Variants in DCAF8L2 observed in about 807,000 individuals in gnomAD.
The protein encoded by DCAF8L2 is DDB1 and CUL4 associated factor 8 like 2, also known as DDB1- and CUL4-associated factor 8-like protein 2.
For missense variants in DCAF8L2, 430 were observed against 490.7 expected, an observed-to-expected ratio of 0.88 and a Z score of 1.17; for synonymous variants, 200 against 190.9, an observed-to-expected ratio of 1.05 and a Z score of -0.39.
At chrX:27,621,686 C>A (rs1338321122) in intron 1 of DCAF8L2, among the ~76,000 whole-genome samples, 1 of 111,564 alleles carries the variant, frequency 9.0e-6, no homozygotes, top group Non-Finnish European at 1.9e-5. Flanking sequence ...AGGATGTGTG[C>A]AATAGGAGTT....
intron 3 of DCAF8L2, among the ~76,000 whole-genome samples, chrX:27,711,509 CTA>C (rs778930107): frequency 2.8e-5 from 3 of 108,115 alleles, no homozygotes; most frequent in Non-Finnish European, 3.8e-5. Flanking sequence ...ACAAAAGTAA[CTA>C]TGTGAGATGA....
chrX:27,514,183 T>G, the DCAF8L2 span, among the ~76,000 whole-genome samples: 24 of 95,113 alleles, frequency 2.5e-4, no homozygotes, highest in Non-Finnish European at 3.7e-4. Context: ...TACATGTATG[T>G]ACCCGTGCAC....
chrX:27,648,033 G>T (rs1929007479), intron 2 of DCAF8L2, among the ~76,000 whole-genome samples: 1 of 111,186 alleles, frequency 9.0e-6, no homozygotes, highest in African/African-American at 3.3e-5. Flanking sequence ...CTAGAAGAAG[G>T]TAATGGCAAA....
intron 3 of DCAF8L2, among the ~76,000 whole-genome samples, chrX:27,695,873 A>G: frequency 9.0e-6 from 1 of 110,951 alleles, no homozygotes; most frequent in East Asian, 2.8e-4. Context: ...TTATACTTCA[A>G]TATAAGTAGG....
the DCAF8L2 span, among the ~76,000 whole-genome samples, chrX:27,566,901 A>G: frequency 1.8e-5 from 2 of 109,915 alleles, no homozygotes; most frequent in Admixed American, 1.9e-4. Context: ...GCTGAATCCC[A>G]TGGGTTTTGG....
intron 4 of DCAF8L2, among the ~76,000 whole-genome samples, chrX:27,737,259 C>T (rs775014262): frequency 1.8e-5 from 2 of 111,627 alleles, no homozygotes; most frequent in South Asian, 7.4e-4. Context: ...CATTAAAACA[C>T]GCCAAGTTGT....
At chrX:27,498,165 T>A in the DCAF8L2 span, among the ~76,000 whole-genome samples, 1 of 112,514 alleles carries the variant, frequency 8.9e-6, no homozygotes, top group Admixed American at 9.4e-5. Context: ...TTTCAAGACC[T>A]TGCTCAATTC....
intron 2 of DCAF8L2, among the ~76,000 whole-genome samples, chrX:27,659,516 G>A (rs1929477194): frequency 9.0e-6 from 1 of 111,474 alleles, no homozygotes; most frequent in African/African-American, 3.3e-5. Flanking sequence ...AGGGAAACTC[G>A]CTTATGTCTT....
chrX:27,508,995 A>G, the DCAF8L2 span, among the ~76,000 whole-genome samples: 1 of 111,088 alleles, frequency 9.0e-6, no homozygotes, highest in African/African-American at 3.3e-5. Flanking sequence ...ATTGGACTAG[A>G]TTCAAATCCT....
chrX:27,472,355 G>A, the DCAF8L2 span, among the ~76,000 whole-genome samples: 1 of 111,694 alleles, frequency 9.0e-6, no homozygotes, highest in East Asian at 2.8e-4. Flanking sequence ...CTCCCTTAAA[G>A]TATTTAACCT....
intron 2 of DCAF8L2, among the ~76,000 whole-genome samples, chrX:27,661,761 G>A (rs1457797052): frequency 2.7e-5 from 3 of 111,739 alleles, no homozygotes; most frequent in Non-Finnish European, 5.6e-5. Flanking sequence ...TGTATGTCCT[G>A]CATACAGAGA....
the DCAF8L2 span, among the ~76,000 whole-genome samples, chrX:27,486,734 T>G: frequency 0.023 from 2,595 of 111,446 alleles, 89 homozygotes; most frequent in African/African-American, 0.08. Flanking sequence ...GGAAGGTTTT[T>G]ATATATTCTG....
chrX:27,731,427 C>G (rs1162984527), intron 4 of DCAF8L2, among the ~76,000 whole-genome samples: 1 of 110,721 alleles, frequency 9.0e-6, no homozygotes, highest in African/African-American at 3.3e-5. Context: ...AACAAACAAA[C>G]ACAAAACCCA....
intron 1 of DCAF8L2, among the ~76,000 whole-genome samples, chrX:27,608,443 G>T (rs1927008898): frequency 9.0e-6 from 1 of 111,516 alleles, no homozygotes; most frequent in African/African-American, 3.2e-5. Flanking sequence ...AATATAATCT[G>T]GTGAGCATCA....
rs771058863 is a variant in DCAF8L2 at position 27,693,060 on chromosome X, G to A, written c.-143+15148G>A. Among the ~76,000 whole-genome samples, 23 of 111,796 alleles carry A rather than the reference G, an allele frequency of 2.1e-4. No individual in the cohort carries two copies. The South Asian group carries it at 8.2e-3, about 40-fold the overall frequency. On this transcript the variant is annotated intron_variant, in intron 3 of 4. Coordinates refer to ENST00000451261, the MANE Select transcript of DCAF8L2 (RefSeq NM_001353450.2). Reference sequence around the variant, plus strand: ...TTAACCACATTACTGATTAATTCGCGTGTGAATTATATTATGAGCCAAGAA... The same window carrying A: ...TTAACCACATTACTGATTAATTCGCATGTGAATTATATTATGAGCCAAGAA...
At chrX:27,542,862 T>A in the DCAF8L2 span, among the ~76,000 whole-genome samples, 1 of 111,396 alleles carries the variant, frequency 9.0e-6, no homozygotes, top group Non-Finnish European at 1.9e-5. Flanking sequence ...TTTGTTTAAA[T>A]TCCTTATAGA....
chrX:27,689,434 C>T (rs918274250), intron 3 of DCAF8L2, among the ~76,000 whole-genome samples: 10 of 111,927 alleles, frequency 8.9e-5, no homozygotes, highest in Non-Finnish European at 1.3e-4. Flanking sequence ...TTAGTAGAGA[C>T]GGGTTTCATC....
the DCAF8L2 span, among the ~76,000 whole-genome samples, chrX:27,502,332 AAAAATATAT>A: frequency 5.9e-5 from 2 of 34,062 alleles, no homozygotes; most frequent in African/African-American, 2.9e-4. Context: ...AAAAAAAAAA[AAAAATATAT>A]ATATATATAT....
the DCAF8L2 span, among the ~76,000 whole-genome samples, chrX:27,532,550 T>C: frequency 1.8e-5 from 2 of 110,632 alleles, no homozygotes; most frequent in African/African-American, 6.6e-5. Flanking sequence ...AATCACTATT[T>C]GGCAGCTATC....
Sources: allele counts gnomAD v4.1 joint callset (sites outside exome capture counted in the v4.1 genomes callset), GRCh38; gene constraint gnomAD v4.1.1; transcripts MANE v1.5; gene names NCBI Gene and HGNC (gene_info 2026-07-23, HGNC 2026-07-21).